Variants in SLC26A3 observed in about 807,000 individuals in gnomAD.
The protein encoded by SLC26A3 is chloride anion exchanger.
SLC26A3 carries 64 observed loss-of-function variants against 85.6 expected under a neutral mutation model. That is an observed-to-expected ratio of 0.75 (90% CI 0.61 to 0.92). SLC26A3 has a LOEUF of 0.92. Ranked by LOEUF, SLC26A3 falls within the 40% of genes least tolerant of loss-of-function variation. The pLI is 0.00. For synonymous variants in SLC26A3, 349 were observed against 336.0 expected (o/e 1.04, Z -0.42); for missense variants, 922 against 927.3 (o/e 0.99, Z 0.07).
At chr7:107,770,006 C>CTTTCTTTCTTTCTT (rs1793981100) in intron 18 of SLC26A3, among the ~76,000 whole-genome samples, 1 of 34,440 alleles carries the variant, frequency 2.9e-5, no homozygotes, top group Admixed American at 2.4e-4. Flanking sequence ...TTTTCTCTTT[C>CTTTCTTTCTTTCTT]TTTCTTTCTT....
At chr7:107,793,186 C>A (rs1304394997) in intron 3 of SLC26A3, among the ~76,000 whole-genome samples, 2 of 152,158 alleles carry the variant, frequency 1.3e-5, no homozygotes, top group African/African-American at 4.8e-5. Context: ...AGCAGTTCCA[C>A]AAATGATTAA....
chr7:107,789,880 C>T lies in SLC26A3; in HGVS notation c.571-192G>A, dbSNP rs1279110382. 2.6e-5 allele frequency among the ~76,000 whole-genome samples: 4 copies of T among 152,148 alleles called. No individual in the cohort carries two copies. The East Asian group carries it at 7.7e-4, about 29-fold the overall frequency. On this transcript the variant is annotated intron_variant, in intron 5 of 20. Transcript: ENST00000340010. ...GCTCCTCTCTCTCCTTCCCTTCCAC[C>T]GCATCATCCAGGTGGAACGTCACAT... is the stretch of plus-strand genomic sequence containing the variant.
At chr7:107,801,589 A>G (rs766781257) in intron 1 of SLC26A3, among the ~76,000 whole-genome samples, 1 of 152,216 alleles carries the variant, frequency 6.6e-6, no homozygotes, top group Non-Finnish European at 1.5e-5. Flanking sequence ...CTTGTAATTG[A>G]AAAATATTCA....
chr7:107,779,304 C>T (rs1488015101), intron 12 of SLC26A3, among the ~76,000 whole-genome samples: 3 of 152,044 alleles, frequency 2.0e-5, no homozygotes, highest in Non-Finnish European at 4.4e-5. Flanking sequence ...TTCACAGATT[C>T]GTGGAAACAA....
At chr7:107,777,770 A>G (rs889106768) in intron 13 of SLC26A3, among the ~76,000 whole-genome samples, 3 of 152,222 alleles carry the variant, frequency 2.0e-5, no homozygotes, top group Non-Finnish European at 4.4e-5. Context: ...ACCTATAAAG[A>G]GGAAATCCAT....
At chr7:107,772,201 T>C in intron 17 of SLC26A3, 93 bp from the exon 18 acceptor site, 1 of 756,016 alleles carries the variant, frequency 1.3e-6, no homozygotes, top group Non-Finnish European at 2.3e-6. Flanking sequence ...ACGGGTGATA[T>C]ATTCCTTTTA....
intron 5 of SLC26A3, among the ~76,000 whole-genome samples, chr7:107,790,650 C>T (rs560919478): frequency 1.3e-5 from 2 of 152,240 alleles, no homozygotes; most frequent in Non-Finnish European, 2.9e-5. Context: ...ATTATAGTTG[C>T]TGAAGAATTA....
Position 107,792,589 on chromosome 7 carries a change from C to T in SLC26A3, c.272-649G>A, listed in dbSNP as rs565070437. Among the ~76,000 whole-genome samples, 299 of 152,184 alleles carry T rather than the reference C, an allele frequency of 2.0e-3. 1 individual carries two copies. The highest frequency in any genetic ancestry group is 6.8e-3 in the Middle Eastern group (2 of 294). ...AGGAGGTAAAGAGAGCAATAAGGAG[C>T]GGCTGTAAATACAGGTGAGGCTTCA... On this transcript the variant is annotated intron_variant, in intron 3 of 20. Transcript: ENST00000340010.
chr7:107,768,855 T>C (rs1562873677), intron 18 of SLC26A3, among the ~76,000 whole-genome samples: 1 of 152,160 alleles, frequency 6.6e-6, no homozygotes. Flanking sequence ...TGGATTCTTC[T>C]GTTTACAGAA....
At chr7:107,782,324 G>A (rs1040028343) in intron 11 of SLC26A3, among the ~76,000 whole-genome samples, 1 of 152,144 alleles carries the variant, frequency 6.6e-6, no homozygotes, top group African/African-American at 2.4e-5. Flanking sequence ...GTCTGTGCTG[G>A]CTGTTCACTC....
At position 107,793,846 on chromosome 7, in the gene SLC26A3, G is replaced by A. The variant is rs369767483; in HGVS notation, c.167C>T (p.Ser56Phe). Residue 56 changes from serine (S) to phenylalanine (F), a missense_variant, in exon 3 of 21, where the codon TCT becomes TTT. Transcript: ENST00000340010. Reference protein sequence around the residue: ...SPQKAKRIVLSLFPIASWLPA... With the variant: ...SPQKAKRIVLFLFPIASWLPA... ...CAACCAAGATGCTATGGGGAACAAA[G>A]AGAGGACAATTCTCTTGGCCTTTTG... 1.3e-5 allele frequency: 21 copies of A among 1,613,974 alleles called. No homozygotes were observed. The highest frequency in any genetic ancestry group is 1.1e-4 in the East Asian group (5 of 44,894).
Position 107,780,729 on chromosome 7 carries a change from C to G in SLC26A3, c.1312-966G>C, listed in dbSNP as rs370732419. ...TATAATATCTAAGCAATTAATTTTA[C>G]TAACTGTGAGAATAGAGGTCACAGT... On this transcript the variant is annotated intron_variant, in intron 11 of 20. Coordinates refer to ENST00000340010, the MANE Select transcript of SLC26A3 (RefSeq NM_000111.3). 2.0e-5 allele frequency among the ~76,000 whole-genome samples: 3 copies of G among 152,240 alleles called. No individual in the cohort carries two copies. In the South Asian group the frequency reaches 6.2e-4, roughly 32 times the overall value.
At chr7:107,776,108 C>T (rs1435970192) in intron 15 of SLC26A3, 1 of 358,200 alleles carries the variant, frequency 2.8e-6, no homozygotes, top group Admixed American at 4.1e-5. Flanking sequence ...ATTAAATGCT[C>T]CTTCATTGTT....
chr7:107,793,651 C>A, intron 3 of SLC26A3, 91 bp downstream of exon 3: 3 of 972,484 alleles, frequency 3.1e-6, no homozygotes, highest in Non-Finnish European at 4.7e-6. Flanking sequence ...GACAGATGCA[C>A]AACCTAGTGA....
At chr7:107,800,877 G>T (rs1220572009) in intron 1 of SLC26A3, among the ~76,000 whole-genome samples, 2 of 152,222 alleles carry the variant, frequency 1.3e-5, no homozygotes, top group African/African-American at 4.8e-5. Context: ...TTTGGCAGGG[G>T]TGATGACAAA....
rs2115843341 is a variant in SLC26A3, at chr7:107,782,796, C to A, written c.1311+1G>T. 1.2e-6 allele frequency: 2 copies of A among 1,613,746 alleles called. No homozygotes were observed. Among genetic ancestry groups the A allele is most frequent in the Non-Finnish European group, 1.7e-6 (2 of 1,179,682 alleles). On this transcript the variant is annotated splice_donor_variant, in intron 11 of 20. Coordinates refer to ENST00000340010, the MANE Select transcript of SLC26A3 (RefSeq NM_000111.3). LOFTEE classifies it high-confidence loss of function. Reference sequence around the variant, plus strand: ...GAGATGCTATCCAAAGACAGTGTTACCTTTTGTAGAGGCGCCAGGAGAAAT... The same window carrying A: ...GAGATGCTATCCAAAGACAGTGTTAACTTTTGTAGAGGCGCCAGGAGAAAT...
At chr7:107,789,898 C>T (rs1324074426) in intron 5 of SLC26A3, among the ~76,000 whole-genome samples, 1 of 152,192 alleles carries the variant, frequency 6.6e-6, no homozygotes, top group Non-Finnish European at 1.5e-5. Flanking sequence ...CCAGGTGGAA[C>T]GTCACATGGT....
At chr7:107,779,530 A>C (rs1195901205) in intron 12 of SLC26A3, 138 bp downstream of exon 12, 3 of 717,596 alleles carry the variant, frequency 4.2e-6, no homozygotes, top group Non-Finnish European at 7.1e-6. Context: ...AATAGCAAAT[A>C]AAACAAACTA....
At chr7:107,783,434 T>G in intron 8 of SLC26A3, 82 bp from the exon 9 acceptor site, 1 of 1,495,476 alleles carries the variant, frequency 6.7e-7, no homozygotes, top group Admixed American at 1.7e-5. Flanking sequence ...AATGAATGAA[T>G]GCAATCTAGG....
Sources: gnomAD v4.1 joint callset for allele counts (sites outside exome capture counted in the v4.1 genomes callset) on GRCh38, gnomAD v4.1.1 for gene constraint, MANE v1.5 for transcripts, NCBI Gene and HGNC (gene_info 2026-07-23, HGNC 2026-07-21) for gene names.